Variants in BOC observed in about 807,000 individuals in gnomAD.
BOC encodes the protein BOC cell adhesion associated, oncogene regulated, also known as brother of CDO.
BOC carries 76 observed loss-of-function variants against 112.0 expected under a neutral mutation model. The observed-to-expected ratio is 0.68, with a 90% confidence interval of 0.56 to 0.82. The LOEUF is 0.82. Ranked by LOEUF, BOC falls within the 40% of genes least tolerant of loss-of-function variation. The probability of loss-of-function intolerance (pLI) is 0.00; values close to 1 mark genes in which losing one functional copy is unlikely to be tolerated. For synonymous variants in BOC, 580 were observed against 599.8 expected (o/e 0.97, Z 0.48); for missense variants, 1,309 against 1,511.7 (o/e 0.87, Z 2.22).
At position 113,279,680 on chromosome 3, in the gene BOC, C is replaced by T. The variant is rs144127306; in HGVS notation, c.2024-144C>T. The T allele has an allele frequency of 1.6e-3, 1,462 of 887,986 alleles. 14 individuals carry two copies. The African/African-American group carries it at 0.021, about 13-fold the overall frequency. 55.0% of individuals were successfully genotyped at this position (887,986 alleles called of 1,614,324 possible). A position where few individuals can be genotyped will look rare whatever the true frequency, so the allele number is the denominator to read the frequency against. ...CCCTGCAGCTCAGCTCTGACAGTGG[C>T]GGGTGTTCTTGTGAGGCCTTTGAGA... On this transcript the variant is annotated intron_variant, in intron 12 of 19. Transcript: ENST00000682979.
intron 2 of BOC, among the ~76,000 whole-genome samples, chr3:113,223,889 C>G (rs1941194538): frequency 1.3e-5 from 2 of 152,240 alleles, no homozygotes; most frequent in African/African-American, 4.8e-5. Flanking sequence ...AGTGTGGTCC[C>G]TTTATCAGCT....
chr3:113,278,042 C>G lies in BOC; in HGVS notation c.1543-53C>G. The G allele has an allele frequency of 1.9e-6, 3 of 1,599,102 alleles. No homozygotes were observed. The highest frequency in any genetic ancestry group is 1.3e-5 in the African/African-American group (1 of 74,818). ...GCTGCTTTCTTTGTAAACCATAGCC[C>G]ACTCGTAGCCCGAGGCTGAGATGCC... On this transcript the variant is annotated intron_variant, in intron 9 of 19. Coordinates refer to ENST00000682979, the MANE Select transcript of BOC (RefSeq NM_001378074.1). The surrounding 1 kb of genome is among the most constrained non-coding windows in gnomAD (Gnocchi z 4.2).
intron 2 of BOC, among the ~76,000 whole-genome samples, chr3:113,220,822 C>T (rs982678745): frequency 9.9e-5 from 15 of 152,208 alleles, no homozygotes; most frequent in African/African-American, 3.6e-4. Flanking sequence ...AGGAAAAGGA[C>T]TCGTGGCCAA....
At chr3:113,275,583 C>A (rs1016538701) in intron 9 of BOC, among the ~76,000 whole-genome samples, 2 of 152,152 alleles carry the variant, frequency 1.3e-5, no homozygotes, top group East Asian at 1.9e-4. Flanking sequence ...AACTATTATT[C>A]TTAAATGGTT....
At chr3:113,245,870 T>C (rs1663651748) in intron 2 of BOC, among the ~76,000 whole-genome samples, 1 of 152,230 alleles carries the variant, frequency 6.6e-6, no homozygotes, top group South Asian at 2.1e-4. Context: ...TCATAGAAGC[T>C]TCCCTTTCTG....
chr3:113,255,286 C>A (rs1477138737), intron 4 of BOC, among the ~76,000 whole-genome samples: 4 of 152,080 alleles, frequency 2.6e-5, no homozygotes, highest in Non-Finnish European at 5.9e-5. Context: ...CCAGTCTGCT[C>A]CTGAACCAAC....
intron 2 of BOC, among the ~76,000 whole-genome samples, chr3:113,248,371 A>G (rs929749402): frequency 1.3e-5 from 2 of 152,232 alleles, no homozygotes; most frequent in African/African-American, 4.8e-5. Flanking sequence ...TGAGAAGCTT[A>G]ACTACTTCTG....
intron 19 of BOC, 38 bp downstream of exon 19, chr3:113,285,603 TG>T (rs1334095514): frequency 2.0e-6 from 3 of 1,503,464 alleles, no homozygotes; most frequent in Non-Finnish European, 1.8e-6. Context: ...TTAAACAGGC[TG>T]GGGGTGACAT....
chr3:113,277,503 A>G (rs759092811), intron 9 of BOC, among the ~76,000 whole-genome samples: 3 of 152,208 alleles, frequency 2.0e-5, no homozygotes, highest in Non-Finnish European at 4.4e-5. Context: ...GCCTTGAGCA[A>G]ATTGCTCATT....
chr3:113,267,557 C>G (rs115126776), intron 4 of BOC, among the ~76,000 whole-genome samples: 1 of 152,150 alleles, frequency 6.6e-6, no homozygotes, highest in African/African-American at 2.4e-5. Context: ...CTTAGAAAAC[C>G]CTTAGGGTAT....
At chr3:113,244,695 A>C (rs1009817397) in intron 2 of BOC, among the ~76,000 whole-genome samples, 4 of 152,232 alleles carry the variant, frequency 2.6e-5, no homozygotes, top group African/African-American at 9.6e-5. Context: ...CATTGCAGAA[A>C]ATTCTACGGA....
chr3:113,216,571 G>A (rs945724752), intron 2 of BOC, among the ~76,000 whole-genome samples: 9 of 152,156 alleles, frequency 5.9e-5, no homozygotes, highest in African/African-American at 1.9e-4. Flanking sequence ...AAAAAGTCCC[G>A]CGTAGGTTTG....
intron 2 of BOC, among the ~76,000 whole-genome samples, chr3:113,248,881 G>T (rs1342105018): frequency 1.3e-5 from 2 of 152,140 alleles, no homozygotes; most frequent in African/African-American, 2.4e-5. Context: ...TGTTGTTCTG[G>T]GTGGAGATAC....
At position 113,287,276 on chromosome 3, in the gene BOC, G is replaced by C. The variant is rs373366019; in HGVS notation, c.*414G>C. The C allele has an allele frequency of 1.3e-5, 4 of 316,618 alleles. No individual in the cohort carries two copies. The highest frequency in any genetic ancestry group is 5.3e-5 in the South Asian group (2 of 37,424). 19.6% of individuals were successfully genotyped at this position (316,618 alleles called of 1,614,324 possible). A position where few individuals can be genotyped will look rare whatever the true frequency, so the allele number is the denominator to read the frequency against. The stretch of plus-strand genomic sequence containing the variant: ...ATCACAGCCTGGAGACACCCACACA[G>C]ATGGCTGGATCCGGTGCTACGGGAA... On this transcript the variant is annotated 3_prime_UTR_variant, in exon 20 of 20. Transcript: ENST00000682979.
At position 113,286,999 on chromosome 3, in the gene BOC, G is replaced by A. The variant is rs769256963; in HGVS notation, c.*137G>A. On this transcript the variant is annotated 3_prime_UTR_variant, in exon 20 of 20. Coordinates refer to ENST00000682979, the MANE Select transcript of BOC (RefSeq NM_001378074.1). Reference sequence around the variant, plus strand: ...TATATTTATGCACTTGTAAATAAATGTATATGTTTTATAATTCTGGAGAGA... The same window carrying A: ...TATATTTATGCACTTGTAAATAAATATATATGTTTTATAATTCTGGAGAGA... 2.1e-6 allele frequency: 2 copies of A among 965,422 alleles called. No individual in the cohort carries two copies. The highest frequency in any genetic ancestry group is 1.5e-5 in the South Asian group (1 of 68,846). 59.8% of individuals were successfully genotyped at this position (965,422 alleles called of 1,614,324 possible).
intron 2 of BOC, among the ~76,000 whole-genome samples, chr3:113,219,232 G>A (rs1039340377): frequency 6.6e-6 from 1 of 152,184 alleles, no homozygotes; most frequent in Admixed American, 6.5e-5. Context: ...TCACCCCATC[G>A]CTTAGGGAAT....
intron 2 of BOC, among the ~76,000 whole-genome samples, chr3:113,236,085 T>A (rs1943394592): frequency 6.6e-6 from 1 of 151,316 alleles, no homozygotes; most frequent in South Asian, 2.1e-4. Context: ...GGAAAGGAAA[T>A]CATTACATAA....
rs1301062782 is a variant in BOC at position 113,250,799 on chromosome 3, T to A, written c.342T>A (p.Ala114=). 38 of 1,613,914 alleles carry A rather than the reference T, an allele frequency of 2.4e-5. No homozygotes were observed. The highest frequency in any genetic ancestry group is 3.1e-5 in the Non-Finnish European group (37 of 1,180,000). The change falls in exon 4 of 20, where the codon GCT becomes GCA. Residue 114 remains alanine (A), a synonymous_variant. Coordinates refer to ENST00000682979, the MANE Select transcript of BOC (RefSeq NM_001378074.1). ...GTGTGGCCCGGATGCCTGCGGGGGC[T>A]GTGGCCAGCGTGCCAGCCACTGTGA... ...YQCVARMPAG[A]VASVPATVTL...
At position 113,270,543 on chromosome 3, in the gene BOC, G is replaced by C. The variant is rs867359144; in HGVS notation, c.524-258G>C. 43 of 455,222 alleles carry C rather than the reference G, an allele frequency of 9.4e-5. No homozygotes were observed. In the East Asian group the frequency reaches 1.6e-3, roughly 17 times the overall value. The allele number at this position is 455,222 out of a possible 1,614,324, so 28.2% of individuals were successfully genotyped here. On this transcript the variant is annotated intron_variant, in intron 5 of 19. Coordinates refer to ENST00000682979, the MANE Select transcript of BOC (RefSeq NM_001378074.1). ...CTTCTATTGACCTATGCACTAAGTTGTGGCAGTTAGTCAGTCAGCCAGTCT... is the reference window on the plus strand; with the variant it reads ...CTTCTATTGACCTATGCACTAAGTTCTGGCAGTTAGTCAGTCAGCCAGTCT...
Sources: gnomAD v4.1 joint callset for allele counts (sites outside exome capture counted in the v4.1 genomes callset) on GRCh38, gnomAD v4.1.1 for gene constraint, Gnocchi (gnomAD v3.1) non-coding constraint, MANE v1.5 for transcripts, NCBI Gene and HGNC (gene_info 2026-07-23, HGNC 2026-07-21) for gene names.